The following ZNF618 variants were observed in gnomAD, a reference collection of about 807,000 sequenced individuals.
The protein encoded by ZNF618 is zinc finger protein 618, also known as neural precursor cell expressed, developmentally down-regulated 10.
ZNF618 carries 34 observed loss-of-function variants against 103.0 expected under a neutral mutation model. The ratio of observed to expected loss-of-function variants is 0.33; its 90% CI spans 0.25 to 0.44. ZNF618 has a LOEUF of 0.44. Ranked by LOEUF, ZNF618 falls within the 20% of genes least tolerant of loss-of-function variation. The pLI is 1.00. For synonymous variants in ZNF618, 551 were observed against 542.2 expected, an observed-to-expected ratio of 1.02 and a Z score of -0.23; for missense variants, 1,059 against 1,295.4, an observed-to-expected ratio of 0.82 and a Z score of 2.80.
intron 3 of ZNF618, among the ~76,000 whole-genome samples, chr9:113,993,220 C>G (rs542574665): frequency 6.6e-6 from 1 of 151,904 alleles, no homozygotes; most frequent in South Asian, 2.1e-4. Context: ...TACCATTGCT[C>G]CTGCCGTGCC....
In ZNF618 at chr9:114,048,020, C is replaced by CCT. The variant is rs1564346953; in HGVS notation, c.1348+27_1348+28dup. 3 of 1,544,838 alleles carry CCT rather than the reference C, an allele frequency of 1.9e-6. No homozygotes were observed. The South Asian group carries it at 3.6e-5, about 18-fold the overall frequency. ...GTAGGTCTCCCCAAGCAGGGCTGGACCTGAGGGTCCCCTTATGCTCCAGTT... is the reference window on the plus strand; with the variant it reads ...GTAGGTCTCCCCAAGCAGGGCTGGACCTCTGAGGGTCCCCTTATGCTCCAGTT... On this transcript the variant is annotated intron_variant, in intron 14 of 14. Coordinates refer to ENST00000374126, the MANE Select transcript of ZNF618 (RefSeq NM_001318042.2).
chr9:113,984,657 C>T (rs769138508), intron 2 of ZNF618, among the ~76,000 whole-genome samples: 7 of 152,192 alleles, frequency 4.6e-5, no homozygotes, highest in Non-Finnish European at 7.3e-5. Flanking sequence ...AGAACACTGG[C>T]TGTGAAGAAA....
At position 114,028,876 on chromosome 9, in the gene ZNF618, C is replaced by T; in HGVS notation, c.988C>T (p.Arg330Ter). 1.3e-6 allele frequency: 2 copies of T among 1,550,640 alleles called. No homozygotes were observed. Among genetic ancestry groups the T allele is most frequent in the Non-Finnish European group, 1.7e-6 (2 of 1,146,926 alleles). ...SGKKAPASVV[R>*]CATLLHRTPP... ...GAAAAAAGCTCCGGCCTCCGTGGTC[C>T]GATGTGCCACCCTCTTACACCGCAC... is the stretch of plus-strand genomic sequence containing the variant. Residue 330 changes from arginine (R) to a stop codon, truncating the protein, a stop_gained, in exon 11 of 15, where the codon CGA (arginine) becomes TGA (stop). Coordinates refer to ENST00000374126, the MANE Select transcript of ZNF618 (RefSeq NM_001318042.2). LOFTEE classifies it high-confidence loss of function.
intron 2 of ZNF618, among the ~76,000 whole-genome samples, chr9:113,976,117 C>T (rs1321214004): frequency 1.3e-5 from 2 of 152,180 alleles, no homozygotes; most frequent in Non-Finnish European, 2.9e-5. Flanking sequence ...GGTTTGCCCT[C>T]TGGAGACAGC....
chr9:113,892,621 A>G (rs1829711996), intron 1 of ZNF618, among the ~76,000 whole-genome samples: 1 of 152,246 alleles, frequency 6.6e-6, no homozygotes, highest in African/African-American at 2.4e-5. Context: ...ATATATGCAT[A>G]AGTGGTCACA....
chr9:113,989,328 C>T (rs115137029), intron 3 of ZNF618, among the ~76,000 whole-genome samples: 196 of 152,330 alleles, frequency 1.3e-3, no homozygotes, highest in African/African-American at 4.3e-3. Context: ...TACGGCTCAG[C>T]GTTGCCACAT....
intron 1 of ZNF618, among the ~76,000 whole-genome samples, chr9:113,931,122 G>C (rs1942739638): frequency 6.6e-6 from 1 of 152,228 alleles, no homozygotes; most frequent in South Asian, 2.1e-4. Context: ...TGGATGGTAT[G>C]TTGAGTAAGG....
intron 1 of ZNF618, among the ~76,000 whole-genome samples, chr9:113,912,674 A>G (rs1235274183): frequency 6.6e-6 from 1 of 152,076 alleles, no homozygotes; most frequent in East Asian, 1.9e-4. Flanking sequence ...ATGCCACATC[A>G]CCTTCCTAGA....
intron 1 of ZNF618, among the ~76,000 whole-genome samples, chr9:113,966,930 A>C (rs940220331): frequency 6.6e-6 from 1 of 152,244 alleles, no homozygotes; most frequent in African/African-American, 2.4e-5. Context: ...TGCAGCTACC[A>C]GTAACACGAA....
At chr9:114,042,175 G>A (rs1051736006) in intron 13 of ZNF618, among the ~76,000 whole-genome samples, 3 of 152,192 alleles carry the variant, frequency 2.0e-5, no homozygotes, top group Admixed American at 6.5e-5. Context: ...AATGCAGAGA[G>A]GTTAGAAAGT....
intron 6 of ZNF618, among the ~76,000 whole-genome samples, chr9:114,002,991 T>C (rs1841390846): frequency 6.6e-6 from 1 of 152,254 alleles, no homozygotes; most frequent in African/African-American, 2.4e-5. Flanking sequence ...CAGCCCTTCA[T>C]TGACAGACAC....
At chr9:113,913,752 G>A (rs564141350) in intron 1 of ZNF618, among the ~76,000 whole-genome samples, 7 of 152,318 alleles carry the variant, frequency 4.6e-5, no homozygotes, top group Non-Finnish European at 7.3e-5. Context: ...TGGGTGCTGT[G>A]GAAAGACTGT....
intron 1 of ZNF618, among the ~76,000 whole-genome samples, chr9:113,896,181 T>A: frequency 1.3e-5 from 2 of 152,190 alleles, no homozygotes; most frequent in East Asian, 3.9e-4. Flanking sequence ...TACTTCCAAG[T>A]TATTATACTT....
intron 1 of ZNF618, among the ~76,000 whole-genome samples, chr9:113,937,240 TTCTC>T (rs1221948418): frequency 6.6e-6 from 1 of 152,160 alleles, no homozygotes; most frequent in Admixed American, 6.5e-5. Context: ...TTTCGTGTCT[TTCTC>T]TCTCTCCTCC....
chr9:113,949,981 T>C (rs534021133), intron 1 of ZNF618, among the ~76,000 whole-genome samples: 14 of 152,374 alleles, frequency 9.2e-5, no homozygotes, highest in African/African-American at 3.4e-4. Flanking sequence ...CCTGACTTTT[T>C]ATTTTATCTG....
intron 3 of ZNF618, 116 bp downstream of exon 3, chr9:113,988,696 TG>T: frequency 7.1e-7 from 1 of 1,405,864 alleles, no homozygotes; most frequent in Non-Finnish European, 9.4e-7. Flanking sequence ...GAACCTTTGC[TG>T]GCTTCCCTCT....
At chr9:113,968,185 T>C (rs989515553) in intron 1 of ZNF618, among the ~76,000 whole-genome samples, 1 of 152,192 alleles carries the variant, frequency 6.6e-6, no homozygotes, top group Non-Finnish European at 1.5e-5. Context: ...GTTTATCCTA[T>C]GTAGGGTTAC....
At chr9:113,911,076 C>T (rs959356333) in intron 1 of ZNF618, among the ~76,000 whole-genome samples, 6 of 152,110 alleles carry the variant, frequency 3.9e-5, no homozygotes, top group Non-Finnish European at 5.9e-5. Context: ...TCAAGTGATC[C>T]GCCTGCCTTG....
At chr9:113,905,345 C>G (rs560867189) in intron 1 of ZNF618, among the ~76,000 whole-genome samples, 1 of 152,340 alleles carries the variant, frequency 6.6e-6, no homozygotes, top group South Asian at 2.1e-4. Flanking sequence ...GCTTGCTATT[C>G]AGCCTTGTTC....
Sources: allele counts gnomAD v4.1 joint callset (sites outside exome capture counted in the v4.1 genomes callset), GRCh38; gene constraint gnomAD v4.1.1; transcripts MANE v1.5; gene names NCBI Gene and HGNC (gene_info 2026-07-23, HGNC 2026-07-21).